The following ZMYND11 variants were observed in gnomAD, a reference collection of about 807,000 sequenced individuals.
The protein encoded by ZMYND11 is zinc finger MYND domain-containing protein 11.
ZMYND11 carries 9 observed loss-of-function variants against 84.9 expected under a neutral mutation model. The ratio of observed to expected loss-of-function variants is 0.11; its 90% CI spans 0.06 to 0.18. ZMYND11 has a LOEUF of 0.18. ZMYND11 is among the 10% of genes least tolerant of loss of function. The pLI is 1.00. For missense variants in ZMYND11, 409 were observed against 761.0 expected (o/e 0.54, Z 5.44); for synonymous variants, 250 against 244.1 (o/e 1.02, Z -0.23).
At chr10:137,831 G>A (rs182000657) in intron 1 of ZMYND11, among the ~76,000 whole-genome samples, 2 of 152,260 alleles carry the variant, frequency 1.3e-5, no homozygotes, top group East Asian at 3.9e-4. Flanking sequence ...CAGAGGATAT[G>A]GGATGTGATT....
chr10:176,920 A>G (rs1846759120), intron 1 of ZMYND11, among the ~76,000 whole-genome samples: 2 of 152,188 alleles, frequency 1.3e-5, no homozygotes, highest in Non-Finnish European at 2.9e-5. Flanking sequence ...GCACTCAGAT[A>G]AGGATGGACT....
intron 2 of ZMYND11, among the ~76,000 whole-genome samples, chr10:206,399 G>A (rs1357493497): frequency 1.3e-5 from 2 of 152,040 alleles, no homozygotes; most frequent in Admixed American, 1.3e-4. Flanking sequence ...TTATTAGTTA[G>A]GTCTTCTATA....
intron 2 of ZMYND11, among the ~76,000 whole-genome samples, chr10:201,113 G>A (rs1435814353): frequency 6.6e-6 from 1 of 151,852 alleles, no homozygotes; most frequent in Non-Finnish European, 1.5e-5. Context: ...TTATGATTCT[G>A]ATGTTTTCAG....
Position 236,740 on chromosome 10 carries a change from T to C in ZMYND11, c.439-98T>C, listed in dbSNP as rs112615540. 85 of 1,017,062 alleles carry C rather than the reference T, an allele frequency of 8.4e-5. 1 individual carries two copies. The Middle Eastern group carries it at 1.1e-3, about 13-fold the overall frequency. The allele number at this position is 1,017,062 out of a possible 1,614,324, so 63.0% of individuals were successfully genotyped here. A position where few individuals can be genotyped will look rare whatever the true frequency, so the allele number is the denominator to read the frequency against. On this transcript the variant is annotated intron_variant, in intron 4 of 14. Transcript: ENST00000381604. ...AAAAGAGCACTTTTAGTAAACTCTTTGCATACTATCTAAGTGTTTCATATA... is the reference window on the plus strand; with the variant it reads ...AAAAGAGCACTTTTAGTAAACTCTTCGCATACTATCTAAGTGTTTCATATA...
intron 1 of ZMYND11, among the ~76,000 whole-genome samples, chr10:173,035 GA>G (rs1218973523): frequency 5.3e-3 from 663 of 125,650 alleles, no homozygotes; most frequent in Middle Eastern, 0.037. Context: ...TCCACTTTCA[GA>G]AAAAAAAAAA....
chr10:234,730 C>G (rs1461545725), intron 4 of ZMYND11, among the ~76,000 whole-genome samples: 1 of 152,124 alleles, frequency 6.6e-6, no homozygotes, highest in African/African-American at 2.4e-5. Flanking sequence ...TTTATAAGCG[C>G]CAAGAACAAC....
chr10:248,303 G>T (rs376769556), intron 12 of ZMYND11, 33 bp from the exon 13 acceptor site: 1 of 1,596,542 alleles, frequency 6.3e-7, no homozygotes, highest in African/African-American at 1.3e-5. Flanking sequence ...ATGTGGCTTC[G>T]TTTGGCGTCT....
At chr10:231,355 G>A (rs974410778) in intron 4 of ZMYND11, among the ~76,000 whole-genome samples, 4 of 152,300 alleles carry the variant, frequency 2.6e-5, no homozygotes, top group Admixed American at 1.3e-4. Context: ...AACTCTAGCT[G>A]CATAGATAAA....
At chr10:137,449 G>C (rs1233689924) in intron 1 of ZMYND11, among the ~76,000 whole-genome samples, 1 of 151,684 alleles carries the variant, frequency 6.6e-6, no homozygotes, top group Non-Finnish European at 1.5e-5. Context: ...AATTTAATCT[G>C]TTTGTCCAAA....
intron 2 of ZMYND11, among the ~76,000 whole-genome samples, chr10:194,655 A>G (rs1204624717): frequency 6.6e-6 from 1 of 152,132 alleles, no homozygotes; most frequent in Non-Finnish European, 1.5e-5. Flanking sequence ...TGAAATTTGC[A>G]TTTCCCTGAT....
chr10:236,254 C>T (rs1292990405), intron 4 of ZMYND11, among the ~76,000 whole-genome samples: 2 of 152,096 alleles, frequency 1.3e-5, no homozygotes, highest in Non-Finnish European at 2.9e-5. Flanking sequence ...ATTTTTTCTT[C>T]ATGTGAAGTT....
At chr10:143,804 A>G (rs1383552251) in intron 1 of ZMYND11, among the ~76,000 whole-genome samples, 1 of 152,196 alleles carries the variant, frequency 6.6e-6, no homozygotes, top group Non-Finnish European at 1.5e-5. Flanking sequence ...GAAGCCTTTC[A>G]CTTGTGATCA....
At chr10:241,777 A>C (rs1226100508) in intron 9 of ZMYND11, among the ~76,000 whole-genome samples, 1 of 152,232 alleles carries the variant, frequency 6.6e-6, no homozygotes, top group Non-Finnish European at 1.5e-5. Flanking sequence ...CTTGTTTGCC[A>C]CCGTCATACA....
At chr10:231,258 A>G (rs1315336371) in intron 4 of ZMYND11, among the ~76,000 whole-genome samples, 1 of 152,202 alleles carries the variant, frequency 6.6e-6, no homozygotes, top group Non-Finnish European at 1.5e-5. Context: ...TTTGTTGTGT[A>G]AAGAATATAC....
chr10:242,280 C>G lies in ZMYND11; in HGVS notation c.950+141C>G. 3.1e-6 allele frequency: 4 copies of G among 1,307,718 alleles called. No individual in the cohort carries two copies. In the South Asian group the frequency reaches 4.5e-5, roughly 15 times the overall value. The allele number at this position is 1,307,718 out of a possible 1,614,324, so 81.0% of individuals were successfully genotyped here. On this transcript the variant is annotated intron_variant, in intron 10 of 14. Transcript: ENST00000381604. ...CACATTATGCATCCAAGAATACGTT[C>G]CAAGATAAATTGTTTCCAGATATTT...
chr10:233,153 C>A (rs1485889225), intron 4 of ZMYND11, among the ~76,000 whole-genome samples: 2 of 152,232 alleles, frequency 1.3e-5, no homozygotes, highest in Middle Eastern at 3.2e-3. Flanking sequence ...TAGACCCCAT[C>A]CCGCAGCCGA....
chr10:235,988 G>C (rs1172940457), intron 4 of ZMYND11, among the ~76,000 whole-genome samples: 3 of 152,174 alleles, frequency 2.0e-5, no homozygotes, highest in African/African-American at 4.8e-5. Flanking sequence ...GACTTCCTAT[G>C]CTTACAGTTC....
chr10:142,240 A>G (rs1298414542), intron 1 of ZMYND11, among the ~76,000 whole-genome samples: 7 of 152,106 alleles, frequency 4.6e-5, no homozygotes, highest in East Asian at 1.9e-4. Context: ...AGCTAGAACT[A>G]TAGGTCTGTG....
At chr10:234,341 C>T (rs1306444987) in intron 4 of ZMYND11, among the ~76,000 whole-genome samples, 6 of 152,250 alleles carry the variant, frequency 3.9e-5, no homozygotes, top group Non-Finnish European at 4.4e-5. Flanking sequence ...CTCCCACTGT[C>T]ACTACTCAAG....
Sources: gnomAD v4.1 joint callset for allele counts (sites outside exome capture counted in the v4.1 genomes callset) on GRCh38, gnomAD v4.1.1 for gene constraint, MANE v1.5 for transcripts, NCBI Gene and HGNC (gene_info 2026-07-23, HGNC 2026-07-21) for gene names.